TMEM132D: variants seen among roughly 807,000 people sequenced by gnomAD.
The protein encoded by TMEM132D is transmembrane protein 132D.
TMEM132D carries 21 observed loss-of-function variants against 62.3 expected under a neutral mutation model. The observed-to-expected ratio is 0.34, with a 90% CI of 0.24 to 0.49. The LOEUF is 0.49. Ranked by LOEUF, TMEM132D falls within the 20% of genes least tolerant of loss-of-function variation. The pLI is 0.99. For missense variants in TMEM132D, 1,346 were observed against 1,402.8 expected, an observed-to-expected ratio of 0.96 and a Z score of 0.65; for synonymous variants, 621 against 575.6, an observed-to-expected ratio of 1.08 and a Z score of -1.13.
chr12:129,879,215 T>G (rs1360131045), intron 1 of TMEM132D, among the ~76,000 whole-genome samples: 5 of 152,220 alleles, frequency 3.3e-5, no homozygotes, highest in Middle Eastern at 3.2e-3. Flanking sequence ...ACAGTCTCAC[T>G]TCCCCAAAAA....
intron 2 of TMEM132D, among the ~76,000 whole-genome samples, chr12:129,656,735 T>A (rs184275206): frequency 1.6e-4 from 24 of 152,338 alleles, no homozygotes; most frequent in Non-Finnish European, 5.9e-5. Context: ...GCACTTACTG[T>A]GCTTGAAACA....
At chr12:129,199,479 A>G (rs776348468) in intron 5 of TMEM132D, among the ~76,000 whole-genome samples, 1 of 152,194 alleles carries the variant, frequency 6.6e-6, no homozygotes, top group Non-Finnish European at 1.5e-5. Context: ...AGGTTTTAGA[A>G]ACAGATTGAC....
chr12:129,441,056 G>A (rs893317030), intron 3 of TMEM132D, among the ~76,000 whole-genome samples: 8 of 152,174 alleles, frequency 5.3e-5, no homozygotes, highest in African/African-American at 1.7e-4. Flanking sequence ...GGGTCTAGTC[G>A]AGCTACCATC....
intron 3 of TMEM132D, among the ~76,000 whole-genome samples, chr12:129,473,256 T>C (rs1189380972): frequency 6.6e-6 from 1 of 150,450 alleles, no homozygotes; most frequent in African/African-American, 2.4e-5. Flanking sequence ...GACCTTCCAA[T>C]AGCAAAACGA....
At chr12:129,235,637 T>C (rs1879759354) in intron 4 of TMEM132D, among the ~76,000 whole-genome samples, 1 of 152,186 alleles carries the variant, frequency 6.6e-6, no homozygotes, top group Non-Finnish European at 1.5e-5. Context: ...ATTTAGGATA[T>C]TATAAATAAT....
intron 2 of TMEM132D, among the ~76,000 whole-genome samples, chr12:129,614,980 A>G (rs1344441046): frequency 1.3e-5 from 2 of 152,186 alleles, no homozygotes; most frequent in African/African-American, 2.4e-5. Flanking sequence ...CGGTATTTAT[A>G]TCTCTTGTAA....
At chr12:129,188,762 GGAGAGAGA>G (rs569138938) in intron 5 of TMEM132D, among the ~76,000 whole-genome samples, 10,392 of 126,160 alleles carry the variant, frequency 0.082, 373 homozygotes, top group Middle Eastern at 0.13. Flanking sequence ...AGGGAGAGAG[GGAGAGAGA>G]GAGAGAGAGA....
intron 4 of TMEM132D, among the ~76,000 whole-genome samples, chr12:129,220,122 C>T (rs985911983): frequency 1.3e-5 from 2 of 152,128 alleles, no homozygotes; most frequent in African/African-American, 2.4e-5. Flanking sequence ...CACTCTAGCT[C>T]TTTCAAGCGG....
chr12:129,659,849 C>T (rs1304621592), intron 2 of TMEM132D, among the ~76,000 whole-genome samples: 1 of 152,158 alleles, frequency 6.6e-6, no homozygotes, highest in Non-Finnish European at 1.5e-5. Context: ...CACTTTTCAA[C>T]TGAGAAACAA....
intron 4 of TMEM132D, among the ~76,000 whole-genome samples, chr12:129,244,407 A>G (rs1201677797): frequency 7.2e-6 from 1 of 138,600 alleles, no homozygotes; most frequent in East Asian, 2.7e-4. Context: ...AAAAAAAAAA[A>G]AACAAACAAA....
intron 1 of TMEM132D, among the ~76,000 whole-genome samples, chr12:129,765,755 A>G (rs994449690): frequency 2.0e-5 from 3 of 152,162 alleles, no homozygotes; most frequent in African/African-American, 7.2e-5. Flanking sequence ...TGTCCTGGTT[A>G]TAACATCTGT....
At chr12:129,475,950 C>T (rs998191318) in intron 3 of TMEM132D, among the ~76,000 whole-genome samples, 1 of 152,208 alleles carries the variant, frequency 6.6e-6, no homozygotes, top group Admixed American at 6.5e-5. Flanking sequence ...GAAATACTTC[C>T]TATTTATATA....
intron 4 of TMEM132D, among the ~76,000 whole-genome samples, chr12:129,296,064 ACATG>A (rs1373154125): frequency 2.2e-5 from 3 of 138,542 alleles, no homozygotes; most frequent in Non-Finnish European, 3.0e-5. Context: ...ATCTATATGA[ACATG>A]CACACACACA....
At chr12:129,314,493 T>C (rs1196879797) in intron 4 of TMEM132D, among the ~76,000 whole-genome samples, 2 of 152,230 alleles carry the variant, frequency 1.3e-5, no homozygotes, top group Admixed American at 1.3e-4. Context: ...TTTATACCAG[T>C]ACCATGCTGT....
At chr12:129,600,779 T>A (rs2137142411) in intron 2 of TMEM132D, among the ~76,000 whole-genome samples, 1 of 152,232 alleles carries the variant, frequency 6.6e-6, no homozygotes, top group South Asian at 2.1e-4. Context: ...GCTTAAAATA[T>A]TCAGTAGACA....
Position 129,074,801 on chromosome 12 carries a change from T to C in TMEM132D, c.2374A>G (p.Asn792Asp), listed in dbSNP as rs2135604712. The part of the protein sequence containing the change: ...RKSVLAVGTA[N>D]IKVKFGQNDA... ...TTTTGGCCAAATTTAACTTTGATGT[T>C]TGCCGTTCCAACAGCTAACACACTC... Residue 792 changes from asparagine (N) to aspartate (D), a missense_variant, in exon 9 of 9, where the codon AAC (asparagine) becomes GAC (aspartate). Asn to Asp is a conservative substitution (Grantham distance 23, BLOSUM62 1). Transcript: ENST00000422113. The C allele has an allele frequency of 6.2e-7, 1 of 1,614,126 alleles. No homozygotes were observed. Among genetic ancestry groups the C allele is most frequent in the Non-Finnish European group, 8.5e-7 (1 of 1,180,026 alleles).
intron 3 of TMEM132D, among the ~76,000 whole-genome samples, chr12:129,513,641 C>T (rs34395880): frequency 8.3e-4 from 125 of 150,516 alleles, no homozygotes; most frequent in Middle Eastern, 3.4e-3. Context: ...CCCACCACCA[C>T]GCCCGGATAA....
At chr12:129,537,242 T>C (rs940128073) in intron 2 of TMEM132D, among the ~76,000 whole-genome samples, 2 of 151,962 alleles carry the variant, frequency 1.3e-5, no homozygotes, top group African/African-American at 2.4e-5. Context: ...GGTTGGACTA[T>C]TGAAATAATG....
intron 3 of TMEM132D, among the ~76,000 whole-genome samples, chr12:129,526,381 T>G (rs1054498465): frequency 6.6e-6 from 1 of 152,068 alleles, no homozygotes; most frequent in African/African-American, 2.4e-5. Context: ...GCCTCCCAGG[T>G]TCAAGCGATT....
Sources: gnomAD v4.1 joint callset for allele counts (sites outside exome capture counted in the v4.1 genomes callset) on GRCh38, gnomAD v4.1.1 for gene constraint, MANE v1.5 for transcripts, NCBI Gene and HGNC (gene_info 2026-07-23, HGNC 2026-07-21) for gene names.